The following QKI variants were observed in gnomAD, a reference collection of about 807,000 sequenced individuals.
The protein encoded by QKI is KH domain-containing RNA-binding protein QKI.
A neutral mutation model predicts 39.0 loss-of-function variants in QKI; 10 were observed. The observed-to-expected ratio is 0.26, with a 90% CI of 0.16 to 0.43. QKI has a LOEUF of 0.43. Among genes scored for constraint, QKI ranks in the 20% least tolerant of loss-of-function variants. QKI has a pLI of 1.00. For synonymous variants in QKI, 204 were observed against 155.4 expected, an observed-to-expected ratio of 1.31 and a Z score of -2.33; for missense variants, 218 against 428.0, an observed-to-expected ratio of 0.51 and a Z score of 4.33.
chr6:163,421,660 GTC>G (rs1165322936), intron 1 of QKI, among the ~76,000 whole-genome samples: 1 of 130,786 alleles, frequency 7.6e-6, no homozygotes, highest in Non-Finnish European at 1.7e-5. Flanking sequence ...ACACAGGTGT[GTC>G]TTTTAATTTT....
At position 163,531,749 on chromosome 6, in the gene QKI, C is replaced by T. The variant is rs112828883; in HGVS notation, c.403-3233C>T. 2.0e-4 allele frequency among the ~76,000 whole-genome samples: 30 copies of T among 152,316 alleles called. 1 individual carries two copies. Among genetic ancestry groups the T allele is most frequent in the African/African-American group, 7.0e-4 (29 of 41,580 alleles). On this transcript the variant is annotated intron_variant, in intron 3 of 7. Coordinates refer to ENST00000361752, the MANE Select transcript of QKI (RefSeq NM_006775.3). ...TGAACTCCTGGGCTCAAGCAGTCTT[C>T]CTGCCTCGGCCCCCCCAAAGTGCTG...
chr6:163,461,339 G>A (rs1032063918), intron 2 of QKI, among the ~76,000 whole-genome samples: 23 of 152,120 alleles, frequency 1.5e-4, no homozygotes, highest in African/African-American at 5.6e-4. Context: ...TTTTTCCAAC[G>A]TTTAACATTT....
intron 1 of QKI, chr6:163,416,190 G>A: frequency 5.9e-6 from 2 of 338,426 alleles, no homozygotes; most frequent in Non-Finnish European, 1.2e-5. Flanking sequence ...CGAGACGTTT[G>A]GAAAGGGCGA....
At chr6:163,544,494 T>C (rs746813617) in intron 4 of QKI, among the ~76,000 whole-genome samples, 8 of 151,992 alleles carry the variant, frequency 5.3e-5, no homozygotes, top group Non-Finnish European at 1.0e-4. Flanking sequence ...AGTGAGAAAA[T>C]GTTCCTGCAA....
intron 3 of QKI, among the ~76,000 whole-genome samples, chr6:163,516,217 C>T (rs1345874198): frequency 1.3e-5 from 2 of 152,082 alleles, no homozygotes; most frequent in African/African-American, 4.8e-5. Context: ...TACATTGTAC[C>T]CCTCAGTGTC....
At chr6:163,415,990 A>C in intron 1 of QKI, 1 of 471,760 alleles carries the variant, frequency 2.1e-6, no homozygotes, top group South Asian at 1.5e-5. Flanking sequence ...GGCGAAAAGC[A>C]CTTTTTTCCC....
intron 1 of QKI, among the ~76,000 whole-genome samples, chr6:163,431,722 T>C (rs1046451486): frequency 6.6e-6 from 1 of 151,900 alleles, no homozygotes. Context: ...TTTGGTGACC[T>C]TTGTAGCCTT....
In QKI at chr6:163,526,425, A is replaced by T. The variant is rs181848720; in HGVS notation, c.403-8557A>T. Among the ~76,000 whole-genome samples, 60 of 152,320 alleles carry T rather than the reference A, an allele frequency of 3.9e-4. No individual in the cohort carries two copies. In the East Asian group the frequency reaches 8.3e-3, roughly 21 times the overall value. On this transcript the variant is annotated intron_variant, in intron 3 of 7. Coordinates refer to ENST00000361752, the MANE Select transcript of QKI (RefSeq NM_006775.3). ...TAACACCTAATGTACAAAATCTCACATATGAATTAGTGAAAGGATTCTTTT... is the reference window on the plus strand; with the variant it reads ...TAACACCTAATGTACAAAATCTCACTTATGAATTAGTGAAAGGATTCTTTT...
intron 7 of QKI, chr6:163,569,669 CTTTT>C (rs1783588330): frequency 1.0e-6 from 1 of 1,000,612 alleles, no homozygotes. Context: ...TTTTTTTGTC[CTTTT>C]TGTTATTTTG....
chr6:163,451,872 A>AC (rs1165330625), intron 1 of QKI, among the ~76,000 whole-genome samples: 30 of 152,148 alleles, frequency 2.0e-4, no homozygotes, highest in Admixed American at 2.0e-3. Flanking sequence ...CATTTCCCAA[A>AC]CCCGTACTCG....
chr6:163,523,299 A>C (rs2128238174), intron 3 of QKI, among the ~76,000 whole-genome samples: 1 of 152,366 alleles, frequency 6.6e-6, no homozygotes, highest in Non-Finnish European at 1.5e-5. Context: ...TAATGTAGAA[A>C]AATACACATG....
intron 3 of QKI, 91 bp downstream of exon 3, chr6:163,478,987 T>A: frequency 1.8e-6 from 2 of 1,122,364 alleles, no homozygotes; most frequent in South Asian, 1.5e-5. Context: ...TTTTTGTGCT[T>A]AAAACACTAT....
intron 3 of QKI, among the ~76,000 whole-genome samples, chr6:163,515,826 T>C (rs1213608630): frequency 6.6e-6 from 1 of 152,182 alleles, no homozygotes; most frequent in Non-Finnish European, 1.5e-5. Flanking sequence ...AGTGACTGTT[T>C]TCTATTTAAG....
rs1312916985 is a variant in QKI at position 163,433,573 on chromosome 6, T to TGGCCAGCCC, written c.142+18243_142+18244insGCCCGGCCA. Among the ~76,000 whole-genome samples, 4 of 152,192 alleles carry TGGCCAGCCC rather than the reference T, an allele frequency of 2.6e-5. No homozygotes were observed. The East Asian group carries it at 7.7e-4, about 29-fold the overall frequency. ...CGAGGTCAGGAGTTTGAGGCCAGCC[T>TGGCCAGCCC]GGCCAACATAGTGAAATCCCATCTC... On this transcript the variant is annotated intron_variant, in intron 1 of 7. Transcript: ENST00000361752.
In QKI at chr6:163,570,848, C is replaced by T. The variant is rs946218117; in HGVS notation, c.*138C>T. 13 of 1,150,422 alleles carry T rather than the reference C, an allele frequency of 1.1e-5. No individual in the cohort carries two copies. The highest frequency in any genetic ancestry group is 1.6e-5 in the Non-Finnish European group (13 of 829,644). The allele number at this position is 1,150,422 out of a possible 1,614,324, so 71.3% of individuals were successfully genotyped here. A position where few individuals can be genotyped will look rare whatever the true frequency, so the allele number is the denominator to read the frequency against. ...TGAGGCACTTGTCCGTTCGTCTTAC[C>T]ATCTAACCAAACAAAAGACAAAGAA... is the stretch of plus-strand genomic sequence containing the variant. On this transcript the variant is annotated 3_prime_UTR_variant, in exon 8 of 8. Coordinates refer to ENST00000361752, the MANE Select transcript of QKI (RefSeq NM_006775.3).
At chr6:163,466,939 C>T (rs987607930) in intron 2 of QKI, among the ~76,000 whole-genome samples, 8 of 151,770 alleles carry the variant, frequency 5.3e-5, no homozygotes, top group South Asian at 2.1e-4. Context: ...AAAAGGCAAC[C>T]TACAGAATGG....
chr6:163,553,885 TTAAA>T (rs1458598455), intron 4 of QKI, among the ~76,000 whole-genome samples: 5 of 152,258 alleles, frequency 3.3e-5, no homozygotes, highest in South Asian at 2.1e-4. Context: ...GCTTTTCTGG[TTAAA>T]TAAAGTGCCT....
intron 1 of QKI, among the ~76,000 whole-genome samples, chr6:163,421,479 C>A (rs1320787952): frequency 6.6e-6 from 1 of 152,142 alleles, no homozygotes; most frequent in Non-Finnish European, 1.5e-5. Context: ...ATATATAGTT[C>A]TTGTACTCCA....
At chr6:163,554,481 T>G (rs1374882917) in intron 4 of QKI, among the ~76,000 whole-genome samples, 6 of 152,184 alleles carry the variant, frequency 3.9e-5, no homozygotes, top group Non-Finnish European at 5.9e-5. Flanking sequence ...TCAAGAAATA[T>G]GAAAGCATAT....
Sources: allele counts gnomAD v4.1 joint callset (sites outside exome capture counted in the v4.1 genomes callset), GRCh38; gene constraint gnomAD v4.1.1; transcripts MANE v1.5; gene names NCBI Gene and HGNC (gene_info 2026-07-23, HGNC 2026-07-21).